The following C8orf34 variants were observed in gnomAD, a reference collection of about 807,000 sequenced individuals.
The protein encoded by C8orf34 is uncharacterized protein C8orf34.
Under a neutral mutation model 68.3 loss-of-function variants are expected in C8orf34, and 65 were observed. The ratio of observed to expected loss-of-function variants is 0.95; its 90% CI spans 0.78 to 1.17. The LOEUF (loss-of-function observed/expected upper bound fraction) is 1.17, where lower values mean the gene tolerates loss of function less well. C8orf34 is among the 50% of genes most tolerant of loss of function. The probability of loss-of-function intolerance (pLI) is 0.00; values close to 1 mark genes in which losing one functional copy is unlikely to be tolerated. For missense variants in C8orf34, 664 were observed against 655.4 expected (o/e 1.01, Z -0.14); for synonymous variants, 244 against 241.2 (o/e 1.01, Z -0.11).
chr8:68,499,502 G>A (rs1011130054), intron 5 of C8orf34, among the ~76,000 whole-genome samples: 1 of 152,150 alleles, frequency 6.6e-6, no homozygotes, highest in African/African-American at 2.4e-5. Context: ...CCATGCATTA[G>A]GTGAAGGAGG....
At chr8:68,803,156 G>A (rs983234968) in intron 12 of C8orf34, among the ~76,000 whole-genome samples, 1 of 152,004 alleles carries the variant, frequency 6.6e-6, no homozygotes, top group South Asian at 2.1e-4. Context: ...TATGAGACTA[G>A]CTAACCTCGA....
intron 7 of C8orf34, among the ~76,000 whole-genome samples, chr8:68,545,096 C>T (rs1375079281): frequency 6.6e-6 from 1 of 152,078 alleles, no homozygotes; most frequent in Non-Finnish European, 1.5e-5. Context: ...GTGTCCCCAA[C>T]CAAATCTCAA....
intron 2 of C8orf34, among the ~76,000 whole-genome samples, chr8:68,440,704 C>A (rs1306742323): frequency 6.6e-6 from 1 of 152,200 alleles, no homozygotes; most frequent in East Asian, 1.9e-4. Flanking sequence ...TGGTACCCAC[C>A]ACATAAACGC....
At chr8:68,477,791 C>T (rs1460119299) in intron 4 of C8orf34, among the ~76,000 whole-genome samples, 8 of 152,196 alleles carry the variant, frequency 5.3e-5, no homozygotes, top group South Asian at 2.1e-4. Context: ...CTTATGTGCA[C>T]CCACAGGCCC....
chr8:68,414,261 T>G (rs1809568236), intron 1 of C8orf34, among the ~76,000 whole-genome samples: 1 of 152,234 alleles, frequency 6.6e-6, no homozygotes, highest in South Asian at 2.1e-4. Context: ...ATATATTTAT[T>G]GTCTGCTTCC....
chr8:68,559,890 C>T (rs1426535669), intron 7 of C8orf34, among the ~76,000 whole-genome samples: 1 of 152,072 alleles, frequency 6.6e-6, no homozygotes, highest in African/African-American at 2.4e-5. Flanking sequence ...ATAGAAGATC[C>T]ATGGAGTTGA....
chr8:68,373,943 G>T (rs553345963), intron 1 of C8orf34, among the ~76,000 whole-genome samples: 1 of 152,134 alleles, frequency 6.6e-6, no homozygotes, highest in African/African-American at 2.4e-5. Context: ...CTCAGATAGG[G>T]TCTTATCTGT....
intron 4 of C8orf34, among the ~76,000 whole-genome samples, chr8:68,474,457 ACT>A (rs756613279): frequency 1.3e-5 from 2 of 151,584 alleles, no homozygotes; most frequent in Non-Finnish European, 2.9e-5. Flanking sequence ...CTTCTAGTTC[ACT>A]CTCTCAACAT....
intron 7 of C8orf34, among the ~76,000 whole-genome samples, chr8:68,572,642 T>C (rs1816790722): frequency 6.6e-6 from 1 of 152,132 alleles, no homozygotes; most frequent in Non-Finnish European, 1.5e-5. Context: ...AGTATTGCAC[T>C]GCTTGAAGCT....
At chr8:68,496,333 C>T (rs1453369069) in intron 5 of C8orf34, among the ~76,000 whole-genome samples, 1 of 152,152 alleles carries the variant, frequency 6.6e-6, no homozygotes, top group African/African-American at 2.4e-5. Flanking sequence ...AGAAAGCTCT[C>T]ATGATCTCCA....
At chr8:68,495,622 A>G (rs545613631) in intron 5 of C8orf34, among the ~76,000 whole-genome samples, 81 of 152,320 alleles carry the variant, frequency 5.3e-4, no homozygotes, top group African/African-American at 1.9e-3. Context: ...CAATTATATC[A>G]TATTTATGAG....
intron 12 of C8orf34, among the ~76,000 whole-genome samples, chr8:68,794,143 T>C (rs1275729053): frequency 1.3e-5 from 2 of 152,034 alleles, no homozygotes; most frequent in South Asian, 2.1e-4. Context: ...TTGATATTTT[T>C]GATTTCGGAA....
At chr8:68,775,229 A>G (rs917182756) in intron 10 of C8orf34, among the ~76,000 whole-genome samples, 6 of 152,108 alleles carry the variant, frequency 3.9e-5, no homozygotes, top group Admixed American at 3.3e-4. Flanking sequence ...GAGATAATAT[A>G]TGTGTTGGTC....
chr8:68,798,306 T>A (rs1824236918), intron 12 of C8orf34, among the ~76,000 whole-genome samples: 1 of 150,272 alleles, frequency 6.7e-6, no homozygotes, highest in Non-Finnish European at 1.5e-5. Flanking sequence ...TTTTTTTTTT[T>A]TTAAACAGAG....
chr8:68,659,224 C>T (rs776923461), intron 8 of C8orf34, among the ~76,000 whole-genome samples: 1 of 152,104 alleles, frequency 6.6e-6, no homozygotes, highest in Non-Finnish European at 1.5e-5. Flanking sequence ...TGTCATTGAG[C>T]CATCCCTGGG....
At chr8:68,615,009 C>T (rs1162413475) in intron 7 of C8orf34, among the ~76,000 whole-genome samples, 5 of 151,788 alleles carry the variant, frequency 3.3e-5, no homozygotes, top group Non-Finnish European at 1.5e-5. Flanking sequence ...CTTCACATCC[C>T]TTGAAAGTTG....
In C8orf34 at chr8:68,381,738, CA is replaced by C. The variant is rs769290635; in HGVS notation, c.327+50423del. 2.1e-4 allele frequency among the ~76,000 whole-genome samples: 15 copies of C among 72,054 alleles called. No individual in the cohort carries two copies. In the East Asian group the frequency reaches 2.2e-3, roughly 11 times the overall value. The allele number at this position is 72,054 out of a possible 152,430, so 47.3% of individuals were successfully genotyped here. A position where few individuals can be genotyped will look rare whatever the true frequency, so the allele number is the denominator to read the frequency against. On this transcript the variant is annotated intron_variant, in intron 1 of 13. Coordinates refer to ENST00000518698, the MANE Select transcript of C8orf34 (RefSeq NM_052958.4). ...TGGGCGACAGAGCGAGACTCCGTCTCAAAAAAAAAAAAAAAAAAAAAAAATA... is the reference window on the plus strand; with the variant it reads ...TGGGCGACAGAGCGAGACTCCGTCTCAAAAAAAAAAAAAAAAAAAAAAATA...
intron 1 of C8orf34, among the ~76,000 whole-genome samples, chr8:68,357,974 T>G (rs1563374027): frequency 6.6e-6 from 1 of 152,202 alleles, no homozygotes; most frequent in Non-Finnish European, 1.5e-5. Flanking sequence ...CCCCCATTCT[T>G]TTTCCCACAT....
At chr8:68,466,106 A>G (rs1812121417) in intron 3 of C8orf34, among the ~76,000 whole-genome samples, 1 of 151,832 alleles carries the variant, frequency 6.6e-6, no homozygotes, top group Non-Finnish European at 1.5e-5. Context: ...TATTATCTTA[A>G]GTGAAATAAG....
Sources: gnomAD v4.1 joint callset for allele counts (sites outside exome capture counted in the v4.1 genomes callset) on GRCh38, gnomAD v4.1.1 for gene constraint, MANE v1.5 for transcripts, NCBI Gene and HGNC (gene_info 2026-07-23, HGNC 2026-07-21) for gene names.